The following ZBTB16 variants were observed in gnomAD, a reference collection of about 807,000 sequenced individuals.
The protein encoded by ZBTB16 is zinc finger and BTB domain-containing protein 16.
Under a neutral mutation model 56.8 loss-of-function variants are expected in ZBTB16, and 8 were observed. The observed-to-expected ratio is 0.14, with a 90% CI of 0.08 to 0.25. ZBTB16 has a LOEUF of 0.25. ZBTB16 is among the 10% of genes least tolerant of loss of function. ZBTB16 has a pLI of 1.00. For synonymous variants in ZBTB16, 363 were observed against 368.5 expected, an observed-to-expected ratio of 0.98 and a Z score of 0.17; for missense variants, 625 against 903.0, an observed-to-expected ratio of 0.69 and a Z score of 3.95.
Position 114,106,078 on chromosome 11 carries a change from G to A in ZBTB16, c.1268+41510G>A, listed in dbSNP as rs138426131. 5.4e-3 allele frequency among the ~76,000 whole-genome samples: 817 copies of A among 152,000 alleles called. 9 individuals carry two copies. Among genetic ancestry groups the A allele is most frequent in the African/African-American group, 0.019 (785 of 41,436 alleles). ...GCTTTTCTATCCCCTTCCTCTCCCC[G>A]CGTTCACCCCCACCCCTCCAGACTG... On this transcript the variant is annotated intron_variant, in intron 2 of 6. Coordinates refer to ENST00000335953, the MANE Select transcript of ZBTB16 (RefSeq NM_006006.6).
rs1292532831 is a variant in ZBTB16 at position 114,209,648 on chromosome 11, A to G, written c.1453+22610A>G. On this transcript the variant is annotated intron_variant, in intron 4 of 6. Transcript: ENST00000335953. ...CCTTAGGGTGGTGACTATTCCCCCAACCAGGGTTAAGGAAGAGAAAAATTA... is the reference window on the plus strand; with the variant it reads ...CCTTAGGGTGGTGACTATTCCCCCAGCCAGGGTTAAGGAAGAGAAAAATTA... 5 of 985,312 alleles carry G rather than the reference A, an allele frequency of 5.1e-6. 1 individual carries two copies. In the South Asian group the frequency reaches 1.4e-4, roughly 28 times the overall value. 61.0% of individuals were successfully genotyped at this position (985,312 alleles called of 1,614,324 possible).
intron 3 of ZBTB16, among the ~76,000 whole-genome samples, chr11:114,185,931 T>TG (rs1415045800): frequency 6.6e-6 from 1 of 152,242 alleles, no homozygotes; most frequent in Non-Finnish European, 1.5e-5. Context: ...ATTTTATTTA[T>TG]TCCACAAATA....
chr11:114,156,801 A>C (rs1942425351), intron 3 of ZBTB16, among the ~76,000 whole-genome samples: 1 of 152,220 alleles, frequency 6.6e-6, no homozygotes, highest in Non-Finnish European at 1.5e-5. Context: ...CCTTTAATTA[A>C]ATGGATATAG....
At chr11:114,209,520 C>G in intron 4 of ZBTB16, 1 of 985,406 alleles carries the variant, frequency 1.0e-6, no homozygotes, top group Non-Finnish European at 1.2e-6. Context: ...CCATTGTGCT[C>G]CCTCCTGGCC....
At chr11:114,178,361 G>T (rs566422688) in intron 3 of ZBTB16, among the ~76,000 whole-genome samples, 8 of 152,132 alleles carry the variant, frequency 5.3e-5, no homozygotes, top group Non-Finnish European at 8.8e-5. Context: ...CAACCCTGTG[G>T]CATAAACACT....
intron 4 of ZBTB16, among the ~76,000 whole-genome samples, chr11:114,220,148 G>A (rs1944200336): frequency 6.6e-6 from 1 of 152,232 alleles, no homozygotes; most frequent in Admixed American, 6.5e-5. Flanking sequence ...TGACTAATAG[G>A]CTGGTCATTC....
Position 114,157,186 on chromosome 11 carries a change from T to C in ZBTB16, c.1366+752T>C, listed in dbSNP as rs139598892. Among the ~76,000 whole-genome samples the C allele has an allele frequency of 8.0e-3, 1,223 of 152,320 alleles. 12 individuals carry two copies. The highest frequency in any genetic ancestry group is 0.014 in the Middle Eastern group (4 of 294). On this transcript the variant is annotated intron_variant, in intron 3 of 6. Transcript: ENST00000335953. ...TGTTTCATTTGGTCTTGTCTTCTCC[T>C]CATGTAGGCCAAGGCCTGCCTCTCC...
intron 3 of ZBTB16, among the ~76,000 whole-genome samples, chr11:114,173,507 A>T (rs558982522): frequency 6.6e-6 from 1 of 152,280 alleles, no homozygotes; most frequent in African/African-American, 2.4e-5. Context: ...TGTATTAATG[A>T]CTTTAAAGGA....
At chr11:114,107,066 A>G (rs1940818782) in intron 2 of ZBTB16, among the ~76,000 whole-genome samples, 1 of 152,182 alleles carries the variant, frequency 6.6e-6, no homozygotes, top group African/African-American at 2.4e-5. Flanking sequence ...TGCCCCTGAG[A>G]AAGACAGCTC....
chr11:114,064,398 G>T lies in ZBTB16; in HGVS notation c.1098G>T (p.Met366Ile). The change falls in exon 2 of 7, where the codon ATG becomes ATT. Residue 366 changes from methionine (M) to isoleucine (I), a missense_variant. By Grantham distance (10) the Met-to-Ile change is conservative. Transcript: ENST00000335953. The surrounding 1 kb of genome is among the most constrained non-coding windows in gnomAD (Gnocchi z 4.2). ...TGCAGCCTGCCCTGGCTGTCTCCAT[G>T]GACTTCAGCACCTATGGGGGGCTGC... ...LHVQPALAVSMDFSTYGGLLP... is the reference protein window; with the variant it reads ...LHVQPALAVSIDFSTYGGLLP... 1 of 1,614,064 alleles carries T rather than the reference G, an allele frequency of 6.2e-7. No homozygotes were observed.
intron 4 of ZBTB16, among the ~76,000 whole-genome samples, chr11:114,202,478 C>G (rs3825045): frequency 3.3e-5 from 5 of 151,992 alleles, no homozygotes; most frequent in Admixed American, 2.6e-4. Context: ...GTGACCTGGG[C>G]GAGAGAACTG....
chr11:114,139,035 C>T (rs1214909277), intron 2 of ZBTB16, among the ~76,000 whole-genome samples: 1 of 152,172 alleles, frequency 6.6e-6, no homozygotes, highest in Non-Finnish European at 1.5e-5. Flanking sequence ...TCCTGCGTCT[C>T]ACCTGCTCTC....
At chr11:114,238,589 A>G (rs1944643032) in intron 4 of ZBTB16, among the ~76,000 whole-genome samples, 1 of 152,020 alleles carries the variant, frequency 6.6e-6, no homozygotes, top group African/African-American at 2.4e-5. Flanking sequence ...TCCTAATACC[A>G]TCACCTTAGG....
intron 4 of ZBTB16, among the ~76,000 whole-genome samples, chr11:114,211,778 G>A: frequency 6.6e-6 from 1 of 152,192 alleles, no homozygotes. Flanking sequence ...CTTGCAGTGG[G>A]GGATTGGGAG....
At chr11:114,206,511 G>T (rs1487058596) in intron 4 of ZBTB16, among the ~76,000 whole-genome samples, 2 of 152,166 alleles carry the variant, frequency 1.3e-5, no homozygotes, top group African/African-American at 2.4e-5. Flanking sequence ...CTCCTTGGCC[G>T]TCTGTGAGTC....
chr11:114,183,103 G>A (rs987615698), intron 3 of ZBTB16, among the ~76,000 whole-genome samples: 19 of 110,780 alleles, frequency 1.7e-4, no homozygotes, highest in Admixed American at 1.1e-3. Flanking sequence ...TGGAGAGCTG[G>A]GGGGGAAGTC....
intron 4 of ZBTB16, among the ~76,000 whole-genome samples, chr11:114,195,221 G>T (rs901095720): frequency 1.3e-5 from 2 of 152,168 alleles, no homozygotes; most frequent in African/African-American, 2.4e-5. Flanking sequence ...AGGGTAGGAG[G>T]CCGGGCAGTC....
intron 2 of ZBTB16, among the ~76,000 whole-genome samples, chr11:114,135,239 G>T (rs548972418): frequency 2.0e-5 from 3 of 152,326 alleles, no homozygotes; most frequent in African/African-American, 7.2e-5. Flanking sequence ...ATGGCAGCTT[G>T]TGGCTGCCAT....
chr11:114,094,103 C>A (rs1455069955), intron 2 of ZBTB16, among the ~76,000 whole-genome samples: 1 of 152,120 alleles, frequency 6.6e-6, no homozygotes, highest in Non-Finnish European at 1.5e-5. Flanking sequence ...ATCACGAGGT[C>A]AGGAGATCGA....
Sources: gnomAD v4.1 joint callset for allele counts (sites outside exome capture counted in the v4.1 genomes callset) on GRCh38, gnomAD v4.1.1 for gene constraint, Gnocchi (gnomAD v3.1) non-coding constraint, MANE v1.5 for transcripts, NCBI Gene and HGNC (gene_info 2026-07-23, HGNC 2026-07-21) for gene names.